The following ZNF532 variants were observed in gnomAD, a reference collection of about 807,000 sequenced individuals.
ZNF532 encodes the protein zinc finger protein 532.
In ZNF532, 22 loss-of-function variants were observed where a neutral mutation model predicts 89.3. That is an observed-to-expected ratio of 0.25 (90% CI 0.18 to 0.35). ZNF532 has a LOEUF of 0.35. Among genes scored for constraint, ZNF532 ranks in the 10% least tolerant of loss-of-function variants. The probability of loss-of-function intolerance (pLI) is 1.00; values close to 1 mark genes in which losing one functional copy is unlikely to be tolerated. For synonymous variants in ZNF532, 606 were observed against 649.6 expected (o/e 0.93, Z 1.02); for missense variants, 1,132 against 1,643.4 (o/e 0.69, Z 5.38).
intron 7 of ZNF532, among the ~76,000 whole-genome samples, chr18:58,962,929 G>A (rs1196744223): frequency 6.6e-6 from 1 of 152,198 alleles, no homozygotes; most frequent in African/African-American, 2.4e-5. Flanking sequence ...GCTTCCAGGT[G>A]ATTCCAGTGT....
At chr18:58,887,981 G>T (rs562347848) in intron 2 of ZNF532, among the ~76,000 whole-genome samples, 5 of 152,298 alleles carry the variant, frequency 3.3e-5, no homozygotes, top group African/African-American at 1.2e-4. Flanking sequence ...TTAGAGCTTT[G>T]CGTTCATAAA....
rs748097922 is a variant in ZNF532 at position 58,920,509 on chromosome 18, C to A, written c.2222C>A (p.Pro741His). ...PSSTPITPAM[P>H]LDEDPSKLCR... Reference sequence around the variant, plus strand: ...AGCACTCCCATCACCCCAGCCATGCCCCTAGATGAAGACCCCTCCAAACTG... The same window carrying A: ...AGCACTCCCATCACCCCAGCCATGCACCTAGATGAAGACCCCTCCAAACTG... The change falls in exon 3 of 10, where the codon CCC (proline) becomes CAC (histidine). Residue 741 changes from proline (P) to histidine (H), a missense_variant. By Grantham distance (77) the Pro-to-His change is moderately conservative. Around this residue, in one of 9 missense-constraint regions of ZNF532, gnomAD observed 100 missense variants for 122.0 expected, o/e 0.82. Transcript: ENST00000591808. The A allele has an allele frequency of 6.2e-7, 1 of 1,613,950 alleles. No homozygotes were observed. The highest frequency in any genetic ancestry group is 1.7e-4 in the Middle Eastern group (1 of 6,056).
At chr18:58,973,045 T>A (rs943433864) in intron 7 of ZNF532, among the ~76,000 whole-genome samples, 1 of 152,228 alleles carries the variant, frequency 6.6e-6, no homozygotes, top group African/African-American at 2.4e-5. Context: ...ATTGTACGCT[T>A]TTTCTTTGAA....
chr18:58,897,617 G>A (rs2059331757), intron 2 of ZNF532, among the ~76,000 whole-genome samples: 2 of 152,164 alleles, frequency 1.3e-5, no homozygotes, highest in South Asian at 4.1e-4. Context: ...GACTTGAAGA[G>A]CAGAGCAATT....
At chr18:58,899,270 A>G (rs1361384637) in intron 2 of ZNF532, among the ~76,000 whole-genome samples, 1 of 152,212 alleles carries the variant, frequency 6.6e-6, no homozygotes, top group East Asian at 1.9e-4. Flanking sequence ...ATGCTCAGAT[A>G]AACAGTGGAA....
At chr18:58,899,678 A>G (rs1479615035) in intron 2 of ZNF532, among the ~76,000 whole-genome samples, 2 of 152,130 alleles carry the variant, frequency 1.3e-5, no homozygotes, top group African/African-American at 2.4e-5. Flanking sequence ...CATGTTGACC[A>G]GGGTGGTCTC....
intron 2 of ZNF532, among the ~76,000 whole-genome samples, chr18:58,869,655 T>C (rs1368437221): frequency 6.6e-6 from 1 of 152,184 alleles, no homozygotes; most frequent in Non-Finnish European, 1.5e-5. Flanking sequence ...TTGAAGTTAT[T>C]CAGCTTTTAT....
At position 58,870,081 on chromosome 18, in the gene ZNF532, T is replaced by G. The variant is rs1313295330; in HGVS notation, c.-18+4502T>G. On this transcript the variant is annotated intron_variant, in intron 2 of 9. Transcript: ENST00000591808. ...GTGCCCAGCCCAGGTTGTTTTTTTT[T>G]TTTTTTTTTTTTTAAGGATAAAATA... 2.0e-5 allele frequency among the ~76,000 whole-genome samples: 3 copies of G among 150,868 alleles called. No individual in the cohort carries two copies. The South Asian group carries it at 6.3e-4, about 32-fold the overall frequency.
At chr18:58,929,369 C>T (rs904014822) in intron 3 of ZNF532, among the ~76,000 whole-genome samples, 3 of 152,324 alleles carry the variant, frequency 2.0e-5, no homozygotes, top group Admixed American at 1.3e-4. Flanking sequence ...ACTGTATTCT[C>T]GTGAGCAGCC....
chr18:58,934,786 T>A (rs2062236516), intron 4 of ZNF532, among the ~76,000 whole-genome samples, 172 bp downstream of exon 4: 1 of 152,120 alleles, frequency 6.6e-6, no homozygotes, highest in Non-Finnish European at 1.5e-5. Flanking sequence ...CCTCTTAATG[T>A]AATATTGGCC....
intron 7 of ZNF532, among the ~76,000 whole-genome samples, chr18:58,962,583 G>A (rs531872305): frequency 6.6e-6 from 1 of 151,956 alleles, no homozygotes; most frequent in Admixed American, 6.6e-5. Flanking sequence ...GGCATCACTA[G>A]GGGTGGGACC....
At chr18:58,863,486 C>A, upstream of ZNF532, 2 of 134,684 alleles carry the variant, frequency 1.5e-5, no homozygotes, top group South Asian at 3.9e-4. Context: ...CCCTTTTGTT[C>A]GCTCGCCGCC....
In ZNF532 at chr18:58,974,784, C is replaced by T. The variant is rs78341357; in HGVS notation, c.3151-4271C>T. 7.4e-3 allele frequency among the ~76,000 whole-genome samples: 1,121 copies of T among 152,306 alleles called. 7 individuals are homozygous for T. The highest frequency in any genetic ancestry group is 0.022 in the African/African-American group (909 of 41,566). ...TAAGATTGCCCTCCTTCCCCCACTT[C>T]ACAGTAACTCACAAGCTGCAACCCT... On this transcript the variant is annotated intron_variant, in intron 7 of 9. Transcript: ENST00000591808.
At chr18:58,875,433 C>T (rs1292589866) in intron 2 of ZNF532, among the ~76,000 whole-genome samples, 4 of 152,182 alleles carry the variant, frequency 2.6e-5, no homozygotes, top group African/African-American at 9.7e-5. Context: ...ATAAATTTAG[C>T]AATGAAATTT....
chr18:58,890,261 TAC>T (rs1331144991), intron 2 of ZNF532, among the ~76,000 whole-genome samples: 2 of 151,486 alleles, frequency 1.3e-5, no homozygotes, highest in East Asian at 3.9e-4. Context: ...TATATATATA[TAC>T]ACACACATAC....
At chr18:58,959,270 G>GTTTTTTTTTTT (rs1460137767) in intron 7 of ZNF532, among the ~76,000 whole-genome samples, 1 of 127,680 alleles carries the variant, frequency 7.8e-6, no homozygotes, top group African/African-American at 3.3e-5. Context: ...GTTTTTTTTT[G>GTTTTTTTTTTT]TTTTTTTTTG....
At chr18:58,937,817 A>G (rs964778322) in intron 4 of ZNF532, among the ~76,000 whole-genome samples, 3 of 152,214 alleles carry the variant, frequency 2.0e-5, no homozygotes, top group African/African-American at 7.2e-5. Context: ...AGGAGCATTA[A>G]CCTGTTCAAG....
At chr18:58,959,253 G>GTTTTTTTTTTTTTT (rs201150500) in intron 7 of ZNF532, among the ~76,000 whole-genome samples, 6 of 121,676 alleles carry the variant, frequency 4.9e-5, no homozygotes, top group South Asian at 2.9e-4. Flanking sequence ...TCAGTTTTTT[G>GTTTTTTTTTTTTTT]TTTTTTGTTT....
At chr18:58,962,989 G>A (rs1293719143) in intron 7 of ZNF532, among the ~76,000 whole-genome samples, 1 of 152,152 alleles carries the variant, frequency 6.6e-6, no homozygotes, top group Non-Finnish European at 1.5e-5. Context: ...CCGCACACCT[G>A]CCCTTGCTGC....
Sources: gnomAD v4.1 joint callset for allele counts (sites outside exome capture counted in the v4.1 genomes callset) on GRCh38, gnomAD v4.1.1 for gene constraint, gnomAD v4.1.1 regional missense constraint, MANE v1.5 for transcripts, NCBI Gene and HGNC (gene_info 2026-07-23, HGNC 2026-07-21) for gene names.